TDRD12: variants seen among roughly 807,000 people sequenced by gnomAD.
TDRD12 encodes putative ATP-dependent RNA helicase TDRD12.
In TDRD12, 158 loss-of-function variants were observed where a neutral mutation model predicts 133.5. That is an observed-to-expected ratio of 1.18 (90% confidence interval 1.04 to 1.35). TDRD12 has a LOEUF of 1.35. Among genes scored for constraint, TDRD12 ranks in the 40% most tolerant of loss-of-function variants. The pLI, the probability that TDRD12 is intolerant of heterozygous loss-of-function variation, is 0.00. For missense variants in TDRD12, 1,443 were observed against 1,321.3 expected (o/e 1.09, Z -1.43); for synonymous variants, 460 against 477.9 (o/e 0.96, Z 0.49).
chr19:32,814,175 G>A (rs1003591791), intron 25 of TDRD12, among the ~76,000 whole-genome samples: 2 of 152,288 alleles, frequency 1.3e-5, no homozygotes, highest in Middle Eastern at 3.4e-3. Flanking sequence ...CCTTCTGTGA[G>A]CAAAGCAGAC....
chr19:32,788,664 G>A (rs1041016806), intron 11 of TDRD12, among the ~76,000 whole-genome samples: 4 of 151,966 alleles, frequency 2.6e-5, no homozygotes, highest in Non-Finnish European at 4.4e-5. Context: ...TGCATTACTC[G>A]GTTTTTAAGG....
At chr19:32,722,706 G>A (rs1237463307) in intron 1 of TDRD12, among the ~76,000 whole-genome samples, 4 of 141,038 alleles carry the variant, frequency 2.8e-5, no homozygotes, top group Non-Finnish European at 4.5e-5. Flanking sequence ...TTGAGACGGC[G>A]TCTCGCTCTG....
chr19:32,726,016 CAT>C (rs1328085793), intron 1 of TDRD12, among the ~76,000 whole-genome samples: 1 of 151,912 alleles, frequency 6.6e-6, no homozygotes, highest in Non-Finnish European at 1.5e-5. Context: ...TTGTAAAAAA[CAT>C]GTAACGAAGT....
chr19:32,784,463 A>G (rs1970850877), intron 11 of TDRD12, among the ~76,000 whole-genome samples: 1 of 151,568 alleles, frequency 6.6e-6, no homozygotes, highest in Non-Finnish European at 1.5e-5. Context: ...TTTTGTTGTG[A>G]CTCTGCCAGG....
intron 6 of TDRD12, among the ~76,000 whole-genome samples, chr19:32,752,895 C>A (rs1250346799): frequency 3.3e-5 from 5 of 150,876 alleles, no homozygotes; most frequent in Admixed American, 1.3e-4. Context: ...TGGGTTCATG[C>A]CATTCTCCTG....
chr19:32,767,694 T>C lies in TDRD12; in HGVS notation c.866-5059T>C, dbSNP rs550705362. On this transcript the variant is annotated intron_variant, in intron 8 of 27. Coordinates refer to ENST00000444215, the Ensembl canonical transcript of TDRD12. ...CTAGCTGGGGGGCAGGGAGAAGAGG[T>C]GAAGGGGGTACAACTCAGAGGTTGC... is the stretch of plus-strand genomic sequence containing the variant. Among the ~76,000 whole-genome samples the C allele has an allele frequency of 4.6e-5, 7 of 152,114 alleles. 1 individual carries two copies. The highest frequency in any genetic ancestry group is 1.7e-4 in the African/African-American group (7 of 41,500).
At chr19:32,813,850 C>T in intron 25 of TDRD12, 74 bp downstream of exon 25, 1 of 865,362 alleles carries the variant, frequency 1.2e-6, no homozygotes, top group South Asian at 1.6e-5. Flanking sequence ...ATTCTAAGCC[C>T]TCACTTGAAT....
chr19:32,820,809 G>A (rs1216841463), intron 27 of TDRD12, among the ~76,000 whole-genome samples: 1 of 152,166 alleles, frequency 6.6e-6, no homozygotes, highest in Non-Finnish European at 1.5e-5. Flanking sequence ...AAGAGTGAAG[G>A]CCTGCCTGGT....
At position 32,818,891 on chromosome 19, in the gene TDRD12, A is replaced by T. The variant is rs1159110912; in HGVS notation, c.3383+734A>T. Among the ~76,000 whole-genome samples the T allele has an allele frequency of 2.6e-5, 4 of 152,150 alleles. No individual in the cohort carries two copies. In the South Asian group the frequency reaches 6.2e-4, roughly 24 times the overall value. On this transcript the variant is annotated intron_variant, in intron 27 of 27. Transcript: ENST00000444215. ...AGCTGGGCTAGTGGCCTGCTGGACTAGTGGGCTGCTGGGCTAGTGACTTGC... is the reference window on the plus strand; with the variant it reads ...AGCTGGGCTAGTGGCCTGCTGGACTTGTGGGCTGCTGGGCTAGTGACTTGC...
intron 2 of TDRD12, among the ~76,000 whole-genome samples, chr19:32,734,001 C>T (rs1478746302): frequency 6.6e-6 from 1 of 151,554 alleles, no homozygotes; most frequent in African/African-American, 2.4e-5. Flanking sequence ...ACGCCGTTCT[C>T]CCGCCTTAGC....
intron 1 of TDRD12, among the ~76,000 whole-genome samples, chr19:32,722,392 C>G (rs1384171151): frequency 6.6e-6 from 1 of 152,108 alleles, no homozygotes; most frequent in South Asian, 2.1e-4. Flanking sequence ...GATCTGCCCC[C>G]ACTTCTGGCC....
At chr19:32,779,829 G>T (rs540986176) in intron 11 of TDRD12, among the ~76,000 whole-genome samples, 1 of 152,222 alleles carries the variant, frequency 6.6e-6, no homozygotes, top group South Asian at 2.1e-4. Flanking sequence ...TTCATAACTG[G>T]TTAAGATGTC....
At chr19:32,787,987 T>C (rs1358778883) in intron 11 of TDRD12, among the ~76,000 whole-genome samples, 2 of 152,168 alleles carry the variant, frequency 1.3e-5, no homozygotes, top group Non-Finnish European at 2.9e-5. Context: ...GGTACCTCAG[T>C]TGGAAATGCA....
intron 8 of TDRD12, among the ~76,000 whole-genome samples, chr19:32,762,669 T>C (rs1457163944): frequency 6.6e-6 from 1 of 152,198 alleles, no homozygotes; most frequent in Non-Finnish European, 1.5e-5. Flanking sequence ...CTCGAGTACT[T>C]TTCCTCTGGC....
chr19:32,749,962 G>A (rs1322848209), intron 6 of TDRD12, 93 bp downstream of exon 6: 16 of 900,566 alleles, frequency 1.8e-5, no homozygotes, highest in Middle Eastern at 3.5e-4. Context: ...ACTGTAGTTC[G>A]TACAGCATAG....
intron 6 of TDRD12, among the ~76,000 whole-genome samples, chr19:32,750,528 CAT>C (rs1266419378): frequency 2.6e-5 from 4 of 152,226 alleles, no homozygotes; most frequent in African/African-American, 9.6e-5. Context: ...CTGATGTTAA[CAT>C]AGCACAAAAC....
chr19:32,815,601 G>A, exon 26 of TDRD12: 4 of 1,536,022 alleles, frequency 2.6e-6, no homozygotes, highest in Non-Finnish European at 3.5e-6. Context: ...AGCTTGTGAA[G>A]AAAGCCTAAG....
At chr19:32,807,298 A>T (rs930010758) in intron 21 of TDRD12, among the ~76,000 whole-genome samples, 11 of 146,760 alleles carry the variant, frequency 7.5e-5, no homozygotes, top group South Asian at 2.2e-4. Flanking sequence ...AAAAAAAAAG[A>T]AAGTTTGCTA....
intron 1 of TDRD12, among the ~76,000 whole-genome samples, chr19:32,721,287 T>G (rs867428060): frequency 6.6e-6 from 1 of 152,184 alleles, no homozygotes; most frequent in Non-Finnish European, 1.5e-5. Flanking sequence ...GTATGGGTTA[T>G]TGGAGAAAGG....
Sources: gnomAD v4.1 joint callset for allele counts (sites outside exome capture counted in the v4.1 genomes callset) on GRCh38, gnomAD v4.1.1 for gene constraint, MANE v1.5 for transcripts, NCBI Gene and HGNC (gene_info 2026-07-23, HGNC 2026-07-21) for gene names.